Variants in IGBP1 observed in about 807,000 individuals in gnomAD.
IGBP1 encodes immunoglobulin-binding protein 1.
A neutral mutation model predicts 25.9 loss-of-function variants in IGBP1; 2 were observed. That is an observed-to-expected ratio of 0.08 (90% confidence interval 0.03 to 0.24). IGBP1 has a LOEUF of 0.24. Among genes scored for constraint, IGBP1 ranks in the 10% least tolerant of loss-of-function variants. IGBP1 has a pLI of 1.00. For synonymous variants in IGBP1, 96 were observed against 93.4 expected (o/e 1.03, Z -0.16); for missense variants, 187 against 260.4 (o/e 0.72, Z 1.94).
Position 70,149,035 on chromosome X carries a change from C to A in IGBP1, c.758+195C>A, listed in dbSNP as rs779979762. 129 of 413,110 alleles carry A rather than the reference C, an allele frequency of 3.1e-4. No homozygotes were observed. In the East Asian group the frequency reaches 5.1e-3, roughly 16 times the overall value. The allele number at this position is 413,110 out of a possible 1,213,427, so 34.0% of individuals were successfully genotyped here. ...CCTGAGGTCGGGAGTTCGAGACCAG[C>A]CTGACCAACATGGAGAAACCCTGTC... On this transcript the variant is annotated intron_variant, in intron 5 of 6. Transcript: ENST00000356413.
intron 5 of IGBP1, among the ~76,000 whole-genome samples, chrX:70,149,133 C>T (rs1236730978): frequency 9.1e-6 from 1 of 109,403 alleles, no homozygotes; most frequent in African/African-American, 3.3e-5. Flanking sequence ...GAGGCTGAGG[C>T]AGGAGAATCA....
chrX:70,134,622 C>G lies in IGBP1; in HGVS notation c.288C>G (p.Ser96Arg). 8.3e-7 allele frequency: 1 copy of G among 1,211,658 alleles called. No individual in the cohort carries two copies. Among genetic ancestry groups the G allele is most frequent in the Non-Finnish European group, 1.1e-6 (1 of 895,214 alleles). Residue 96 changes from serine to arginine, a missense_variant, in exon 3 of 7, where the codon AGC becomes AGG. Transcript: ENST00000356413. ...TCACCATGAAACAAGTCAACCCCAG[C>G]AAGCGTCTAGATCATTTGCAGCGGG... ...GALTMKQVNPSKRLDHLQRAR... is the reference protein window; with the variant it reads ...GALTMKQVNPRKRLDHLQRAR...
rs1004750668 is a variant in IGBP1, at chrX:70,133,904, T to C, written c.-44T>C. On this transcript the variant is annotated 5_prime_UTR_variant, in exon 2 of 7. Transcript: ENST00000356413. The stretch of plus-strand genomic sequence containing the variant: ...CTAATTCTTCTTTATCAAGGTTGCC[T>C]TTGACCCCGGAAAAGAGATCTTCCG... 2 of 1,166,544 alleles carry C rather than the reference T, an allele frequency of 1.7e-6. No individual in the cohort carries two copies. The highest frequency in any genetic ancestry group is 3.6e-5 in the African/African-American group (2 of 56,235).
chrX:70,134,418 C>T (rs1047945637), intron 2 of IGBP1, 105 bp from the exon 3 acceptor site: 11 of 866,321 alleles, frequency 1.3e-5, no homozygotes, highest in Non-Finnish European at 1.5e-5. Flanking sequence ...GTGCCTCCTC[C>T]CTCTGGTCCA....
At chrX:70,138,818 C>T (rs945473019) in intron 3 of IGBP1, among the ~76,000 whole-genome samples, 2 of 111,812 alleles carry the variant, frequency 1.8e-5, no homozygotes, top group Non-Finnish European at 3.8e-5. Flanking sequence ...AATATTTAGA[C>T]ACTGGTTTTT....
chrX:70,141,227 A>C (rs186037372), intron 3 of IGBP1, among the ~76,000 whole-genome samples: 2 of 110,286 alleles, frequency 1.8e-5, no homozygotes, highest in East Asian at 5.7e-4. Context: ...GGCACCTGTA[A>C]TCCCAGCTAC....
chrX:70,134,057 T>C lies in IGBP1; in HGVS notation c.110T>C (p.Ile37Thr). 8.3e-7 allele frequency: 1 copy of C among 1,211,247 alleles called. No individual in the cohort carries two copies. Among genetic ancestry groups the C allele is most frequent in the Non-Finnish European group, 1.1e-6 (1 of 894,686 alleles). ...EVATEPAGSRIVQEKVFKGLD... is the reference protein window; with the variant it reads ...EVATEPAGSRTVQEKVFKGLD... ...GCGACTGAACCCGCCGGTTCCCGGA[T>C]AGTCCAGGAGAAGGTGTTCAAGGGC... Residue 37 changes from isoleucine to threonine, a missense_variant, in exon 2 of 7, where the codon ATA (isoleucine) becomes ACA (threonine). Coordinates refer to ENST00000356413, the MANE Select transcript of IGBP1 (RefSeq NM_001551.3).
intron 3 of IGBP1, among the ~76,000 whole-genome samples, chrX:70,141,248 G>A (rs1331224855): frequency 9.1e-6 from 1 of 110,317 alleles, no homozygotes; most frequent in Non-Finnish European, 1.9e-5. Context: ...TCGGGAGGCT[G>A]TGGCAGGAGA....
intron 6 of IGBP1, among the ~76,000 whole-genome samples, chrX:70,154,996 G>A: frequency 9.0e-6 from 1 of 111,105 alleles, no homozygotes; most frequent in East Asian, 2.8e-4. Context: ...CATGTGACAA[G>A]ATACTCTACA....
chrX:70,147,080 G>A (rs112783009), intron 4 of IGBP1, among the ~76,000 whole-genome samples: 1,805 of 111,658 alleles, frequency 0.016, 27 homozygotes, highest in African/African-American at 0.049. Flanking sequence ...AATAAAAATT[G>A]GTTTTGGTTG....
intron 5 of IGBP1, 79 bp downstream of exon 5, chrX:70,148,919 CTGAG>C: frequency 2.8e-6 from 2 of 726,427 alleles, no homozygotes; most frequent in Non-Finnish European, 2.1e-6. Flanking sequence ...GACCCACAGA[CTGAG>C]TGGTGTTGAA....
chrX:70,153,595 CTA>C (rs1214032752), intron 6 of IGBP1, among the ~76,000 whole-genome samples: 1 of 112,343 alleles, frequency 8.9e-6, no homozygotes, highest in African/African-American at 3.2e-5. Flanking sequence ...CGATACATGT[CTA>C]TTGCTGTATA....
intron 6 of IGBP1, among the ~76,000 whole-genome samples, chrX:70,152,553 G>A (rs1279726493): frequency 8.9e-6 from 1 of 112,134 alleles, no homozygotes; most frequent in East Asian, 2.8e-4. Context: ...CTCAGATGTT[G>A]GAATTAGCAG....
At chrX:70,165,021 A>T (rs758213051) in intron 6 of IGBP1, 1 of 111,333 alleles carries the variant, frequency 9.0e-6, no homozygotes, top group Admixed American at 9.6e-5. Flanking sequence ...TGATCACACC[A>T]CTGTACTCCA....
chrX:70,139,390 G>A (rs1240699537), intron 3 of IGBP1, among the ~76,000 whole-genome samples: 2 of 110,843 alleles, frequency 1.8e-5, no homozygotes, highest in East Asian at 5.6e-4. Flanking sequence ...GTTTTGATTT[G>A]CATTTCTTTG....
chrX:70,154,714 C>CAAAAAAAAAAAAAAAAAAA lies in IGBP1; in HGVS notation c.871+4396_871+4414dup, dbSNP rs762954223. Among the ~76,000 whole-genome samples, 42 of 27,102 alleles carry CAAAAAAAAAAAAAAAAAAA rather than the reference C, an allele frequency of 1.5e-3. 6 individuals are homozygous for CAAAAAAAAAAAAAAAAAAA. Among genetic ancestry groups the CAAAAAAAAAAAAAAAAAAA allele is most frequent in the African/African-American group, 4.8e-3 (26 of 5,383 alleles). The allele number at this position is 27,102 out of a possible 115,157, so 23.5% of individuals were successfully genotyped here. A position where few individuals can be genotyped will look rare whatever the true frequency, so the allele number is the denominator to read the frequency against. On this transcript the variant is annotated intron_variant, in intron 6 of 6. Coordinates refer to ENST00000356413, the MANE Select transcript of IGBP1 (RefSeq NM_001551.3). ...AGCAACATGGTAAGACCCCTCTCCA[C>CAAAAAAAAAAAAAAAAAAA]AAAAAAAAAAAAAAAAAAAAAAGTT...
Position 70,133,501 on chromosome X carries a change from A to G in IGBP1, c.-265A>G, listed in dbSNP as rs1046851601. The G allele has an allele frequency of 7.3e-6, 2 of 275,247 alleles. No homozygotes were observed. Among genetic ancestry groups the G allele is most frequent in the Non-Finnish European group, 1.3e-5 (2 of 156,763 alleles). The allele number at this position is 275,247 out of a possible 1,213,427, so 22.7% of individuals were successfully genotyped here. On this transcript the variant is annotated 5_prime_UTR_variant, in exon 1 of 7. Transcript: ENST00000356413. ...AAACCGTGGGAGTGGTGCGGCGGCTAGAGTCCCTGGACTCCTCAACCTAGG... is the reference window on the plus strand; with the variant it reads ...AAACCGTGGGAGTGGTGCGGCGGCTGGAGTCCCTGGACTCCTCAACCTAGG...
chrX:70,153,034 CAGAG>C (rs2085213229), intron 6 of IGBP1, among the ~76,000 whole-genome samples: 1 of 111,624 alleles, frequency 9.0e-6, no homozygotes, highest in East Asian at 2.8e-4. Flanking sequence ...TGCAGAACAC[CAGAG>C]AGAAAGAGGA....
Position 70,134,713 on chromosome X carries a change from C to G in IGBP1, c.379C>G (p.Pro127Ala). ...HCYHVAEFEL[P>A]KTMNNSAENH... The stretch of plus-strand genomic sequence containing the variant: ...CTATCATGTGGCAGAGTTTGAGCTG[C>G]CCAAAACCATGAACAACTCTGCTGA... Residue 127 changes from proline to alanine, a missense_variant, in exon 3 of 7, where the codon CCC becomes GCC. By Grantham distance (27) the Pro-to-Ala change is conservative. Transcript: ENST00000356413. 1 of 1,211,125 alleles carries G rather than the reference C, an allele frequency of 8.3e-7. No individual in the cohort carries two copies.
Sources: allele counts gnomAD v4.1 joint callset (sites outside exome capture counted in the v4.1 genomes callset), GRCh38; gene constraint gnomAD v4.1.1; transcripts MANE v1.5; gene names NCBI Gene and HGNC (gene_info 2026-07-23, HGNC 2026-07-21).